Variants in CHIT1 observed in about 807,000 individuals in gnomAD.
The protein encoded by CHIT1 is chitotriosidase-1.
CHIT1 carries 47 observed loss-of-function variants against 52.0 expected under a neutral mutation model. That is an observed-to-expected ratio of 0.90 (90% CI 0.71 to 1.15). CHIT1 has a LOEUF of 1.15. CHIT1 is among the 50% of genes most tolerant of loss of function. CHIT1 has a pLI of 0.00. For missense variants in CHIT1, 569 were observed against 583.0 expected (o/e 0.98, Z 0.25); for synonymous variants, 242 against 228.2 (o/e 1.06, Z -0.54).
chr1:203,219,667 A>G lies in CHIT1; in HGVS notation c.912T>C (p.Tyr304=), dbSNP rs750476665. The change falls in exon 8 of 11, where the codon TAT becomes TAC. Residue 304 remains tyrosine, a synonymous_variant. Transcript: ENST00000367229. ...FTKEGGMLAY[Y]EVCSWKGATK... is the part of the protein sequence containing the mutation. ...GGGTGGTTATGGGTTTTCCTACTTC[A>G]TAGTAGGCCAGCATCCCTCCTTCCT... The G allele has an allele frequency of 6.2e-7, 1 of 1,614,018 alleles. No individual in the cohort carries two copies. Among genetic ancestry groups the G allele is most frequent in the South Asian group, 1.1e-5 (1 of 91,078 alleles).
At chr1:203,218,073 G>A in intron 9 of CHIT1, 1 of 1,516,510 alleles carries the variant, frequency 6.6e-7, no homozygotes, top group Non-Finnish European at 8.8e-7. Flanking sequence ...CAGTCTCCTT[G>A]TCTTAACGTA....
intron 6 of CHIT1, among the ~76,000 whole-genome samples, chr1:203,222,726 G>A (rs1656782674): frequency 6.6e-6 from 1 of 152,192 alleles, no homozygotes; most frequent in African/African-American, 2.4e-5. Flanking sequence ...TGGGGCCTGA[G>A]AGTCCATAAT....
Position 203,225,087 on chromosome 1 carries a change from G to T in CHIT1, c.275C>A (p.Thr92Asn). 1.2e-6 allele frequency: 2 copies of T among 1,613,896 alleles called. No individual in the cohort carries two copies. The highest frequency in any genetic ancestry group is 1.7e-5 in the Admixed American group (1 of 59,996). The change falls in exon 4 of 11, where the codon ACC becomes AAC. Residue 92 changes from threonine to asparagine, a missense_variant. Thr to Asn is a moderately conservative substitution (Grantham distance 65, BLOSUM62 0). Coordinates refer to ENST00000367229, the MANE Select transcript of CHIT1 (RefSeq NM_003465.3). ...ATTCCAGCCTCCGATGGCTAACAGG[G>T]TCTTCAGCTTGGGATTCCTGGGAAA... ...GLKKMNPKLK[T>N]LLAIGGWNFG...
In CHIT1 at chr1:203,225,194, G is replaced by C; in HGVS notation, c.258-90C>G. 5.8e-6 allele frequency: 7 copies of C among 1,199,500 alleles called. No homozygotes were observed. The South Asian group carries it at 8.6e-5, about 15-fold the overall frequency. 74.3% of individuals were successfully genotyped at this position (1,199,500 alleles called of 1,614,324 possible). ...GTTACAGTGGGGAGGAACAACAGGGGTGGGGACGTGTGAAAGTGCCTATGT... is the reference window on the plus strand; with the variant it reads ...GTTACAGTGGGGAGGAACAACAGGGCTGGGGACGTGTGAAAGTGCCTATGT... On this transcript the variant is annotated intron_variant, in intron 3 of 10. Transcript: ENST00000367229.
chr1:203,223,704 C>T, intron 4 of CHIT1, 44 bp from the exon 5 acceptor site: 1 of 1,596,384 alleles, frequency 6.3e-7, no homozygotes, highest in East Asian at 2.2e-5. Context: ...TTGGACCAGA[C>T]AGGAGGCCAC....
chr1:203,222,600 C>G (rs981489716), intron 6 of CHIT1, among the ~76,000 whole-genome samples: 4 of 152,326 alleles, frequency 2.6e-5, no homozygotes, highest in Non-Finnish European at 5.9e-5. Context: ...CTCAAGAAAA[C>G]TCCTGCTACA....
rs61823014 is a variant in CHIT1 at position 203,228,431 on chromosome 1, T to C, written c.55+102A>G. Reference sequence around the variant, plus strand: ...CTGAGCTTTGGAAGAGAGTCCCCACTGAAATCTGGAGCTCTTGGGGAGGTC... The same window carrying C: ...CTGAGCTTTGGAAGAGAGTCCCCACCGAAATCTGGAGCTCTTGGGGAGGTC... On this transcript the variant is annotated intron_variant, in intron 2 of 10. Transcript: ENST00000367229. 2,039 of 1,266,416 alleles carry C rather than the reference T, an allele frequency of 1.6e-3. 7 individuals are homozygous for C. Among genetic ancestry groups the C allele is most frequent in the Admixed American group, 2.8e-3 (140 of 50,668 alleles). 78.4% of individuals were successfully genotyped at this position (1,266,416 alleles called of 1,614,324 possible).
intron 1 of CHIT1, 41 bp downstream of exon 1, chr1:203,229,571 C>G: frequency 6.2e-7 from 1 of 1,612,412 alleles, no homozygotes; most frequent in Non-Finnish European, 8.5e-7. Flanking sequence ...TCCCCACCTC[C>G]CCACAGCTCC....
At position 203,216,758 on chromosome 1, in the gene CHIT1, G is replaced by T; in HGVS notation, c.*131C>A. On this transcript the variant is annotated 3_prime_UTR_variant, in exon 11 of 11. Coordinates refer to ENST00000367229, the MANE Select transcript of CHIT1 (RefSeq NM_003465.3). Reference sequence around the variant, plus strand: ...AGGAAGGCAAGGCTGAGAGCAGAAAGCCTGGATAAAGGAAGACCACAGAAA... The same window carrying T: ...AGGAAGGCAAGGCTGAGAGCAGAAATCCTGGATAAAGGAAGACCACAGAAA... 8.1e-7 allele frequency: 1 copy of T among 1,234,422 alleles called. No homozygotes were observed. Among genetic ancestry groups the T allele is most frequent in the Non-Finnish European group, 1.2e-6 (1 of 846,320 alleles). 76.5% of individuals were successfully genotyped at this position (1,234,422 alleles called of 1,614,324 possible).
At position 203,229,595 on chromosome 1, in the gene CHIT1, A is replaced by G; in HGVS notation, c.25+17T>C. On this transcript the variant is annotated intron_variant, in intron 1 of 10. Coordinates refer to ENST00000367229, the MANE Select transcript of CHIT1 (RefSeq NM_003465.3). ...CCCCACAGCTCCCGAGACCCAGCCC[A>G]CTATCCGACGGCTCACCTGCCCAGG... is the stretch of plus-strand genomic sequence containing the variant. 1 of 1,613,834 alleles carries G rather than the reference A, an allele frequency of 6.2e-7. No homozygotes were observed. Among genetic ancestry groups the G allele is most frequent in the Non-Finnish European group, 8.5e-7 (1 of 1,179,940 alleles).
intron 8 of CHIT1, 23 bp from the exon 9 acceptor site, chr1:203,219,352 TG>T (rs1656648893): frequency 1.5e-6 from 2 of 1,374,908 alleles, no homozygotes; most frequent in African/African-American, 2.8e-5. Context: ...AAGGCAGCAC[TG>T]GGGAGGAGGA....
At chr1:203,228,455 T>C (rs1484827493) in intron 2 of CHIT1, 78 bp downstream of exon 2, 1 of 1,456,818 alleles carries the variant, frequency 6.9e-7, no homozygotes, top group Admixed American at 2.0e-5. Context: ...CTTGGGGAGG[T>C]CTGGCAGGGA....
chr1:203,227,416 C>T lies in CHIT1; in HGVS notation c.55+1117G>A, dbSNP rs910428196. Among the ~76,000 whole-genome samples, 6 of 152,160 alleles carry T rather than the reference C, an allele frequency of 3.9e-5. No individual in the cohort carries two copies. In the East Asian group the frequency reaches 5.8e-4, roughly 15 times the overall value. ...CTCTTTTTCTATCATGTCATGCTGT[C>T]GCATATCAAATATTGTTATGAATTT... On this transcript the variant is annotated intron_variant, in intron 2 of 10. Coordinates refer to ENST00000367229, the MANE Select transcript of CHIT1 (RefSeq NM_003465.3).
At chr1:203,229,935 C>T, upstream of CHIT1, 1 of 464,058 alleles carries the variant, frequency 2.2e-6, no homozygotes, top group South Asian at 2.0e-5. Flanking sequence ...GAGCATGACC[C>T]TGACTTTCTT....
At chr1:203,229,578 C>T in intron 1 of CHIT1, 34 bp downstream of exon 1, 1 of 1,613,468 alleles carries the variant, frequency 6.2e-7, no homozygotes, top group Non-Finnish European at 8.5e-7. Flanking sequence ...CTCCCCACAG[C>T]TCCCGAGACC....
At chr1:203,228,706 G>A (rs1657022160) in intron 1 of CHIT1, 144 bp from the exon 2 acceptor site, 2 of 966,306 alleles carry the variant, frequency 2.1e-6, no homozygotes, top group South Asian at 1.4e-5. Flanking sequence ...GGACCCAGGA[G>A]GGCACTGTGC....
In CHIT1 at chr1:203,219,711, T is replaced by C. The variant is rs1382740829; in HGVS notation, c.868A>G (p.Thr290Ala). 6.2e-7 allele frequency: 1 copy of C among 1,613,868 alleles called. No homozygotes were observed. Among genetic ancestry groups the C allele is most frequent in the South Asian group, 1.1e-5 (1 of 91,062 alleles). The stretch of plus-strand genomic sequence containing the variant: ...CCTTCCTTGGTGAAGGGGCCTGGAG[T>C]GCCAGACCCTGTGGCTGGGGCCCCC... ...RVGAPATGSG[T>A]PGPFTKEGGM... Residue 290 changes from threonine to alanine, a missense_variant, in exon 8 of 11, where the codon ACT becomes GCT. Physicochemically the swap from Thr to Ala is moderately conservative, Grantham distance 58. Transcript: ENST00000367229.
rs768224516 is a variant in CHIT1, at chr1:203,229,668, C to A, written c.-32G>T. 12 of 1,610,990 alleles carry A rather than the reference C, an allele frequency of 7.4e-6. No individual in the cohort carries two copies. Among genetic ancestry groups the A allele is most frequent in the Non-Finnish European group, 1.0e-5 (12 of 1,178,034 alleles). Reference sequence around the variant, plus strand: ...GCTCAGCGGCAGGCTGCAGCCCATACAAACCAGCTTTCCAGGTCCTGCTCT... The same window carrying A: ...GCTCAGCGGCAGGCTGCAGCCCATAAAAACCAGCTTTCCAGGTCCTGCTCT... On this transcript the variant is annotated 5_prime_UTR_variant, in exon 1 of 11. Transcript: ENST00000367229.
At chr1:203,220,190 A>T (rs1656685196) in intron 7 of CHIT1, among the ~76,000 whole-genome samples, 1 of 152,230 alleles carries the variant, frequency 6.6e-6, no homozygotes, top group Non-Finnish European at 1.5e-5. Flanking sequence ...TCCCTGCCTT[A>T]CCCAGCAGCT....
Sources: allele counts gnomAD v4.1 joint callset (sites outside exome capture counted in the v4.1 genomes callset), GRCh38; gene constraint gnomAD v4.1.1; transcripts MANE v1.5; gene names NCBI Gene and HGNC (gene_info 2026-07-23, HGNC 2026-07-21).